The following RBMS3 variants were observed in gnomAD, a reference collection of about 807,000 sequenced individuals.
The protein encoded by RBMS3 is RNA binding motif single stranded interacting protein 3, also known as RNA-binding motif, single-stranded-interacting protein 3.
Under a neutral mutation model 66.8 loss-of-function variants are expected in RBMS3, and 27 were observed. The observed-to-expected ratio is 0.40, with a 90% CI of 0.30 to 0.56. The LOEUF (loss-of-function observed/expected upper bound fraction) is 0.56. RBMS3 is among the 20% of genes least tolerant of loss of function. RBMS3 has a pLI of 0.40. For synonymous variants in RBMS3, 188 were observed against 183.0 expected (o/e 1.03, Z -0.22); for missense variants, 513 against 549.5 (o/e 0.93, Z 0.66).
At chr3:29,323,147 T>G (rs2035106902) in intron 1 of RBMS3, among the ~76,000 whole-genome samples, 1 of 152,180 alleles carries the variant, frequency 6.6e-6, no homozygotes, top group Non-Finnish European at 1.5e-5. Flanking sequence ...AATCTCCACC[T>G]TTGAAGGTGC....
At chr3:29,906,203 T>C (rs2060374896) in intron 10 of RBMS3, among the ~76,000 whole-genome samples, 1 of 152,188 alleles carries the variant, frequency 6.6e-6, no homozygotes, top group African/African-American at 2.4e-5. Flanking sequence ...TTATTATATG[T>C]TTTAGTTTTT....
chr3:29,656,442 A>C (rs930323814), intron 4 of RBMS3, among the ~76,000 whole-genome samples: 1 of 152,260 alleles, frequency 6.6e-6, no homozygotes, highest in African/African-American at 2.4e-5. Context: ...CATATAGCCC[A>C]GCTGTATAGC....
chr3:29,469,583 T>A (rs2042649951), intron 2 of RBMS3, among the ~76,000 whole-genome samples: 1 of 150,404 alleles, frequency 6.6e-6, no homozygotes, highest in Admixed American at 6.7e-5. Flanking sequence ...TGATTAAAAA[T>A]GTTAAGTAAA....
chr3:29,936,031 G>T, intron 10 of RBMS3, 55 bp from the exon 11 acceptor site: 2 of 1,394,492 alleles, frequency 1.4e-6, no homozygotes, highest in South Asian at 1.2e-5. Flanking sequence ...TTATTTGTAA[G>T]AAGTCTCCTT....
chr3:29,357,151 A>T (rs549285898), intron 1 of RBMS3, among the ~76,000 whole-genome samples: 2 of 152,054 alleles, frequency 1.3e-5, no homozygotes, highest in African/African-American at 4.8e-5. Flanking sequence ...TGCACCCATT[A>T]ACTCGTCATT....
At chr3:29,836,450 AAC>A (rs1407966589) in intron 6 of RBMS3, among the ~76,000 whole-genome samples, 1 of 152,008 alleles carries the variant, frequency 6.6e-6, no homozygotes, top group Non-Finnish European at 1.5e-5. Context: ...GTGCAAGCCA[AAC>A]ACAGAAGAAC....
intron 6 of RBMS3, among the ~76,000 whole-genome samples, chr3:29,781,824 G>A (rs188724760): frequency 1.3e-5 from 2 of 152,090 alleles, no homozygotes; most frequent in East Asian, 1.9e-4. Flanking sequence ...CTTTAGTACC[G>A]TGGGCTGTGT....
chr3:29,927,759 A>G (rs2060979807), intron 10 of RBMS3, among the ~76,000 whole-genome samples: 1 of 152,084 alleles, frequency 6.6e-6, no homozygotes, highest in South Asian at 2.1e-4. Context: ...TAGAAAGGTA[A>G]ATTGAAAGCT....
At chr3:29,368,584 C>T (rs899022047) in intron 1 of RBMS3, among the ~76,000 whole-genome samples, 2 of 151,788 alleles carry the variant, frequency 1.3e-5, no homozygotes, top group Admixed American at 1.3e-4. Context: ...AAGGTCTTCA[C>T]TTTCAGTTTA....
intron 4 of RBMS3, among the ~76,000 whole-genome samples, chr3:29,703,377 G>T (rs1160530092): frequency 6.6e-6 from 1 of 152,192 alleles, no homozygotes; most frequent in African/African-American, 2.4e-5. Flanking sequence ...TAGTGAAATT[G>T]TAAGAAAACA....
At chr3:29,901,778 T>G (rs929778210) in intron 10 of RBMS3, among the ~76,000 whole-genome samples, 1 of 151,814 alleles carries the variant, frequency 6.6e-6, no homozygotes, top group African/African-American at 2.4e-5. Flanking sequence ...AATGTAATGT[T>G]TATGGCTGGG....
chr3:29,821,915 TGAAAA>T (rs2058085419), intron 6 of RBMS3, among the ~76,000 whole-genome samples: 2 of 152,206 alleles, frequency 1.3e-5, no homozygotes, highest in Admixed American at 6.5e-5. Flanking sequence ...AACAGAAATC[TGAAAA>T]GAAGTGACCA....
intron 9 of RBMS3, among the ~76,000 whole-genome samples, chr3:29,899,476 C>T (rs1230316980): frequency 6.6e-6 from 1 of 151,720 alleles, no homozygotes; most frequent in Non-Finnish European, 1.5e-5. Flanking sequence ...GCCATGTGGG[C>T]ACTGAAGTCA....
intron 4 of RBMS3, among the ~76,000 whole-genome samples, chr3:29,624,209 A>G (rs1292637683): frequency 6.6e-6 from 1 of 152,228 alleles, no homozygotes; most frequent in Non-Finnish European, 1.5e-5. Context: ...GGGTTTTAAG[A>G]AAGCACTTTT....
At chr3:29,699,273 C>T (rs1055699881) in intron 4 of RBMS3, among the ~76,000 whole-genome samples, 3 of 152,092 alleles carry the variant, frequency 2.0e-5, no homozygotes, top group Admixed American at 6.5e-5. Context: ...CCTCGGTCTC[C>T]GAAGTAGCTG....
intron 10 of RBMS3, among the ~76,000 whole-genome samples, chr3:29,907,792 TA>T (rs960603074): frequency 6.6e-6 from 1 of 152,078 alleles, no homozygotes; most frequent in Non-Finnish European, 1.5e-5. Context: ...TAAATAGCAT[TA>T]AAAAAATCTC....
At chr3:29,334,358 C>T (rs2035829705) in intron 1 of RBMS3, among the ~76,000 whole-genome samples, 1 of 152,054 alleles carries the variant, frequency 6.6e-6, no homozygotes, top group South Asian at 2.1e-4. Flanking sequence ...AAATTACTTG[C>T]TATTCCTAAT....
At chr3:29,833,983 AAG>A (rs560551149) in intron 6 of RBMS3, among the ~76,000 whole-genome samples, 3 of 152,258 alleles carry the variant, frequency 2.0e-5, no homozygotes, top group Non-Finnish European at 4.4e-5. Context: ...ACTATCAGAC[AAG>A]AAATAGGTTT....
intron 8 of RBMS3, among the ~76,000 whole-genome samples, chr3:29,895,191 A>G (rs1385316214): frequency 6.6e-6 from 1 of 151,614 alleles, no homozygotes; most frequent in Non-Finnish European, 1.5e-5. Context: ...CGTCTTTGTT[A>G]GACAAAGTAA....
Sources: gnomAD v4.1 joint callset for allele counts (sites outside exome capture counted in the v4.1 genomes callset) on GRCh38, gnomAD v4.1.1 for gene constraint, MANE v1.5 for transcripts, NCBI Gene and HGNC (gene_info 2026-07-23, HGNC 2026-07-21) for gene names.